Variants in TMEM71 observed in about 807,000 individuals in gnomAD.
TMEM71 encodes transmembrane protein 71.
A neutral mutation model predicts 38.0 loss-of-function variants in TMEM71; 44 were observed. The ratio of observed to expected loss-of-function variants is 1.16; its 90% confidence interval spans 0.91 to 1.49. The LOEUF (loss-of-function observed/expected upper bound fraction) is 1.49. Among genes scored for constraint, TMEM71 ranks in the 40% most tolerant of loss-of-function variants. The pLI is 0.00. For missense variants in TMEM71, 367 were observed against 348.6 expected, an observed-to-expected ratio of 1.05 and a Z score of -0.42; for synonymous variants, 133 against 122.5, an observed-to-expected ratio of 1.09 and a Z score of -0.56.
chr8:132,772,435 G>C, the TMEM71 span, among the ~76,000 whole-genome samples: 1 of 152,140 alleles, frequency 6.6e-6, no homozygotes, highest in Non-Finnish European at 1.5e-5. Flanking sequence ...GAGGAGAAGG[G>C]ACAGATCAAT....
At chr8:132,725,318 C>T (rs1279424269) in intron 6 of TMEM71, among the ~76,000 whole-genome samples, 4 of 152,148 alleles carry the variant, frequency 2.6e-5, no homozygotes, top group Admixed American at 6.6e-5. Context: ...GCATGAGACA[C>T]CATGACTGAC....
chr8:132,743,164 G>T (rs556330452), intron 5 of TMEM71, among the ~76,000 whole-genome samples: 1 of 129,594 alleles, frequency 7.7e-6, no homozygotes, highest in East Asian at 2.3e-4. Flanking sequence ...TTCCCCTCTT[G>T]TTGATAGGAG....
intron 6 of TMEM71, among the ~76,000 whole-genome samples, chr8:132,723,551 T>A (rs748568882): frequency 5.3e-5 from 8 of 152,190 alleles, no homozygotes; most frequent in Non-Finnish European, 8.8e-5. Flanking sequence ...AGCTGCTCCC[T>A]CCCTGTGCTC....
Position 132,727,779 on chromosome 8 carries a change from T to A in TMEM71, c.676+19A>T. 1 of 1,561,720 alleles carries A rather than the reference T, an allele frequency of 6.4e-7. No homozygotes were observed. Among genetic ancestry groups the A allele is most frequent in the Non-Finnish European group, 8.7e-7 (1 of 1,155,782 alleles). On this transcript the variant is annotated intron_variant, in intron 6 of 9. Coordinates refer to ENST00000677595, the MANE Select transcript of TMEM71 (RefSeq NM_001382403.1). ...AGAATTCTTTGGGTGTGGCAAATAT[T>A]TAAAACACCTGAACTCACCTGAATG...
chr8:132,728,258 T>C (rs1827264192), intron 5 of TMEM71, among the ~76,000 whole-genome samples: 2 of 152,164 alleles, frequency 1.3e-5, no homozygotes, highest in South Asian at 2.1e-4. Flanking sequence ...CAGTTCCACA[T>C]GGCTGGGGAG....
At chr8:132,737,920 T>C (rs543948852) in intron 5 of TMEM71, among the ~76,000 whole-genome samples, 2 of 152,358 alleles carry the variant, frequency 1.3e-5, no homozygotes, top group East Asian at 3.9e-4. Context: ...CTGAACCCCC[T>C]TCTTATGTTT....
chr8:132,770,197 C>T, the TMEM71 span, among the ~76,000 whole-genome samples: 1 of 152,198 alleles, frequency 6.6e-6, no homozygotes, highest in Non-Finnish European at 1.5e-5. Context: ...GGTTTTCTAA[C>T]TTTGCAAGCT....
Position 132,753,660 on chromosome 8 carries a change from G to A in TMEM71, c.102-1663C>T, listed in dbSNP as rs150543893. Among the ~76,000 whole-genome samples the A allele has an allele frequency of 9.6e-4, 146 of 152,278 alleles. 1 individual carries two copies. The highest frequency in any genetic ancestry group is 3.4e-3 in the African/African-American group (140 of 41,548). The stretch of plus-strand genomic sequence containing the variant: ...TAGTGGACAAGACAGGGAATCTGAA[G>A]TCAATCCCCCTCTAAGCCCATAATT... On this transcript the variant is annotated intron_variant, in intron 3 of 9. Coordinates refer to ENST00000677595, the MANE Select transcript of TMEM71 (RefSeq NM_001382403.1).
At chr8:132,751,746 T>G (rs1375816022) in intron 4 of TMEM71, 39 bp downstream of exon 4, 2 of 1,557,002 alleles carry the variant, frequency 1.3e-6, no homozygotes, top group Non-Finnish European at 1.8e-6. Flanking sequence ...AATGGATGGA[T>G]TGGACTTCAG....
At chr8:132,728,025 T>C (rs1827250685) in intron 5 of TMEM71, 39 bp from the exon 6 acceptor site, 3 of 1,338,730 alleles carry the variant, frequency 2.2e-6, no homozygotes, top group Non-Finnish European at 2.1e-6. Flanking sequence ...TGTGTGTGTG[T>C]GTGTGTGTGT....
At chr8:132,762,710 G>T (rs1052900285), upstream of TMEM71, among the ~76,000 whole-genome samples, 1 of 152,128 alleles carries the variant, frequency 6.6e-6, no homozygotes, top group Non-Finnish European at 1.5e-5. Context: ...TAGCCAGTAC[G>T]TGATGAGTAA....
the TMEM71 span, among the ~76,000 whole-genome samples, chr8:132,768,921 C>A: frequency 2.0e-5 from 3 of 152,260 alleles, no homozygotes; most frequent in Admixed American, 6.5e-5. Flanking sequence ...CAAATGCTGA[C>A]CCTGCACATT....
chr8:132,709,347 T>C (rs572568505), downstream of TMEM71, among the ~76,000 whole-genome samples: 5 of 152,354 alleles, frequency 3.3e-5, no homozygotes, highest in South Asian at 1.0e-3. Flanking sequence ...GCATGGGACA[T>C]ATCCCAGACC....
the TMEM71 span, among the ~76,000 whole-genome samples, chr8:132,770,776 A>C: frequency 6.6e-6 from 1 of 152,198 alleles, no homozygotes; most frequent in Non-Finnish European, 1.5e-5. Context: ...TGCGGGTCTG[A>C]ATATTTCATG....
chr8:132,707,654 C>T (rs150663257), downstream of TMEM71, among the ~76,000 whole-genome samples: 17 of 152,244 alleles, frequency 1.1e-4, no homozygotes, highest in South Asian at 4.1e-4. Context: ...CAGATGCCAG[C>T]ACCTTGATAC....
chr8:132,710,041 C>T lies in TMEM71; in HGVS notation c.*926G>A, dbSNP rs1205450947. 1 of 151,998 alleles carries T rather than the reference C, an allele frequency of 6.6e-6. No individual in the cohort carries two copies. Among genetic ancestry groups the T allele is most frequent in the Non-Finnish European group, 1.5e-5 (1 of 68,006 alleles). 9.4% of individuals were successfully genotyped at this position (151,998 alleles called of 1,614,324 possible). ...AAGTTATATTTTGGCATTATCATTT[C>T]GAGCAAAGACAATTTTCTGCATGTA... On this transcript the variant is annotated 3_prime_UTR_variant, in exon 10 of 10. Transcript: ENST00000677595.
intron 5 of TMEM71, among the ~76,000 whole-genome samples, chr8:132,730,210 G>A (rs767002840): frequency 2.5e-4 from 38 of 152,128 alleles, no homozygotes; most frequent in Non-Finnish European, 4.9e-4. Context: ...CACCCACCTC[G>A]GCCTCCCAAA....
the TMEM71 span, chr8:132,775,418 CGGCGGCGAT>C: frequency 2.6e-6 from 1 of 384,192 alleles, no homozygotes. Context: ...GCGGCGGCGG[CGGCGGCGAT>C]GGCAGCGGAC....
intron 3 of TMEM71, among the ~76,000 whole-genome samples, chr8:132,753,535 A>G (rs1040529436): frequency 6.6e-5 from 10 of 152,132 alleles, no homozygotes; most frequent in African/African-American, 2.4e-4. Context: ...TATTTCCGAC[A>G]AACATTGTCC....
Sources: gnomAD v4.1 joint callset for allele counts (sites outside exome capture counted in the v4.1 genomes callset) on GRCh38, gnomAD v4.1.1 for gene constraint, MANE v1.5 for transcripts, NCBI Gene and HGNC (gene_info 2026-07-23, HGNC 2026-07-21) for gene names.